ARFIP1: variants seen among roughly 807,000 people sequenced by gnomAD.
ARFIP1 encodes the protein arfaptin-1.
A neutral mutation model predicts 42.5 loss-of-function variants in ARFIP1; 24 were observed. The observed-to-expected ratio is 0.57, with a 90% CI of 0.41 to 0.80. The LOEUF (loss-of-function observed/expected upper bound fraction) is 0.80. Among genes scored for constraint, ARFIP1 ranks in the 30% least tolerant of loss-of-function variants. The probability of loss-of-function intolerance (pLI) is 0.00; values close to 1 mark genes in which losing one functional copy is unlikely to be tolerated. For missense variants in ARFIP1, 354 were observed against 434.0 expected, an observed-to-expected ratio of 0.82 and a Z score of 1.64; for synonymous variants, 141 against 153.7, an observed-to-expected ratio of 0.92 and a Z score of 0.61.
chr4:152,867,471 CAGAGGGAGACCGTGGAAAGAGAGGG>C (rs1180887070), intron 3 of ARFIP1, among the ~76,000 whole-genome samples: 13 of 151,934 alleles, frequency 8.6e-5, no homozygotes, highest in Non-Finnish European at 1.6e-4. Context: ...TGCTCGGCAT[CAGAGGGAGACCGTGGAAAGAGAGGG>C]AGAGGGAGAC....
intron 2 of ARFIP1, among the ~76,000 whole-genome samples, chr4:152,845,223 A>C (rs1290259352): frequency 6.6e-6 from 1 of 152,234 alleles, no homozygotes; most frequent in East Asian, 1.9e-4. Flanking sequence ...GATGGATTAA[A>C]GATTTAAAGA....
chr4:152,815,639 A>G (rs1264961407), intron 1 of ARFIP1, among the ~76,000 whole-genome samples: 1 of 151,634 alleles, frequency 6.6e-6, no homozygotes, highest in African/African-American at 2.4e-5. Context: ...AAAACTCTTG[A>G]GAGTTATCCC....
At chr4:152,883,013 A>AC in intron 7 of ARFIP1, 133 bp downstream of exon 7, 1 of 910,742 alleles carries the variant, frequency 1.1e-6, no homozygotes, top group Non-Finnish European at 1.6e-6. Context: ...AAGTTATAGG[A>AC]TGCCTCTACA....
chr4:152,909,161 G>C (rs1738631214), intron 8 of ARFIP1, among the ~76,000 whole-genome samples: 1 of 152,152 alleles, frequency 6.6e-6, no homozygotes, highest in Non-Finnish European at 1.5e-5. Flanking sequence ...GAGGCAGGCA[G>C]ATCACCTGAG....
intron 3 of ARFIP1, among the ~76,000 whole-genome samples, chr4:152,864,152 T>C (rs1039870081): frequency 6.6e-6 from 1 of 152,206 alleles, no homozygotes; most frequent in African/African-American, 2.4e-5. Context: ...TTAATTACTC[T>C]TAATTATTCC....
chr4:152,804,012 T>C (rs1347478314), intron 1 of ARFIP1, among the ~76,000 whole-genome samples: 1 of 135,626 alleles, frequency 7.4e-6, no homozygotes, highest in Non-Finnish European at 1.5e-5. Context: ...ACATGTAATA[T>C]ATATATTATA....
At chr4:152,850,601 A>G (rs1040348817) in intron 2 of ARFIP1, 1 of 152,176 alleles carries the variant, frequency 6.6e-6, no homozygotes, top group Non-Finnish European at 1.5e-5. Flanking sequence ...CATCAGAATC[A>G]CCTGATTTCC....
At chr4:152,844,249 G>A (rs1732357560) in intron 2 of ARFIP1, among the ~76,000 whole-genome samples, 2 of 152,210 alleles carry the variant, frequency 1.3e-5, no homozygotes, top group South Asian at 4.1e-4. Flanking sequence ...CGTAGTTGGG[G>A]CACTCACAGT....
Position 152,908,675 on chromosome 4 carries a change from T to A in ARFIP1, c.967-1389T>A, listed in dbSNP as rs116107224. ...ATTATCAATCTTTTTCTTTATAATT[T>A]ATGGGTTTTATAAGCCTTACTTAAG... On this transcript the variant is annotated intron_variant, in intron 8 of 8. Transcript: ENST00000353617. 8.2e-3 allele frequency among the ~76,000 whole-genome samples: 1,253 copies of A among 152,246 alleles called. 16 individuals are homozygous for A. Among genetic ancestry groups the A allele is most frequent in the African/African-American group, 0.028 (1,162 of 41,546 alleles).
chr4:152,894,664 G>A (rs766938876), intron 8 of ARFIP1, among the ~76,000 whole-genome samples: 47 of 152,280 alleles, frequency 3.1e-4, no homozygotes, highest in South Asian at 8.3e-4. Flanking sequence ...AGCATAACAA[G>A]CAACCAGGGA....
intron 5 of ARFIP1, among the ~76,000 whole-genome samples, chr4:152,877,537 C>A (rs764691992): frequency 6.6e-6 from 1 of 152,072 alleles, no homozygotes; most frequent in Non-Finnish European, 1.5e-5. Flanking sequence ...GGACTGTGGA[C>A]TTTTGGGTTA....
rs1188791761 is a variant in ARFIP1, at chr4:152,863,684, G to C, written c.172G>C (p.Glu58Gln). 2 of 1,609,844 alleles carry C rather than the reference G, an allele frequency of 1.2e-6. No individual in the cohort carries two copies. The highest frequency in any genetic ancestry group is 1.7e-6 in the Non-Finnish European group (2 of 1,176,508). ...ATCTCATGGCTTTGACAATACCAAA[G>C]AGGGTGTTATTGAAGCAGGAGCATT... ...ITSHGFDNTK[E>Q]GVIEAGAFQG... The change falls in exon 3 of 9, where the codon GAG (glutamate) becomes CAG (glutamine). Residue 58 changes from glutamate to glutamine, a missense_variant. Transcript: ENST00000353617.
intron 1 of ARFIP1, among the ~76,000 whole-genome samples, chr4:152,798,095 A>G (rs7675534): frequency 0.73 from 110,955 of 152,074 alleles, 41,789 homozygotes; most frequent in East Asian, 0.81. Flanking sequence ...CTGTCTCTAC[A>G]AAAAATTAGC....
intron 1 of ARFIP1, among the ~76,000 whole-genome samples, chr4:152,799,293 T>A (rs1481508746): frequency 6.6e-6 from 1 of 152,220 alleles, no homozygotes; most frequent in Admixed American, 6.5e-5. Context: ...TTTTCCCCAT[T>A]TTTTAGTTGA....
intron 5 of ARFIP1, among the ~76,000 whole-genome samples, chr4:152,877,800 C>G (rs1029314215): frequency 6.6e-6 from 1 of 152,130 alleles, no homozygotes; most frequent in Non-Finnish European, 1.5e-5. Context: ...ATCAGTCTCA[C>G]AAGATCTGAT....
chr4:152,888,598 A>G (rs1019309964), intron 8 of ARFIP1, among the ~76,000 whole-genome samples: 3 of 152,180 alleles, frequency 2.0e-5, no homozygotes, highest in African/African-American at 7.2e-5. Flanking sequence ...TAAAAATTGA[A>G]ATAATGATAG....
At chr4:152,796,752 A>G (rs2149820031) in intron 1 of ARFIP1, 5 of 761,384 alleles carry the variant, frequency 6.6e-6, no homozygotes, top group East Asian at 2.5e-5. Context: ...GAGCTTCTCG[A>G]CTTTCCTTCT....
chr4:152,856,719 T>C (rs1475758398), intron 2 of ARFIP1, among the ~76,000 whole-genome samples: 6 of 152,210 alleles, frequency 3.9e-5, no homozygotes, highest in Non-Finnish European at 7.3e-5. Context: ...CTTACATTTT[T>C]TGTATTTTGA....
intron 1 of ARFIP1, among the ~76,000 whole-genome samples, chr4:152,806,520 C>G (rs1402266389): frequency 2.6e-5 from 4 of 152,164 alleles, no homozygotes; most frequent in African/African-American, 9.6e-5. Flanking sequence ...TCAAAATCAA[C>G]AGTTTATTGA....
Sources: gnomAD v4.1 joint callset for allele counts (sites outside exome capture counted in the v4.1 genomes callset) on GRCh38, gnomAD v4.1.1 for gene constraint, MANE v1.5 for transcripts, NCBI Gene and HGNC (gene_info 2026-07-23, HGNC 2026-07-21) for gene names.